Variants in CFI observed in about 807,000 individuals in gnomAD.
CFI encodes complement factor I, also known as C3B/C4B inactivator.
CFI carries 66 observed loss-of-function variants against 78.8 expected under a neutral mutation model. That is an observed-to-expected ratio of 0.84 (90% CI 0.69 to 1.03). The LOEUF is 1.03. CFI is among the 50% of genes least tolerant of loss of function. CFI has a pLI of 0.00. For synonymous variants in CFI, 250 were observed against 232.6 expected (o/e 1.07, Z -0.68); for missense variants, 706 against 704.5 (o/e 1.00, Z -0.02).
chr4:109,768,922 G>C (rs1390649169), intron 1 of CFI, among the ~76,000 whole-genome samples: 1 of 151,850 alleles, frequency 6.6e-6, no homozygotes, highest in Admixed American at 6.6e-5. Flanking sequence ...ATGACAAATT[G>C]GTCATTCTGG....
intron 1 of CFI, among the ~76,000 whole-genome samples, chr4:109,777,529 A>ATTAATAAT (rs775563744): frequency 6.6e-6 from 1 of 152,140 alleles, no homozygotes; most frequent in South Asian, 2.1e-4. Flanking sequence ...ACACAATAAT[A>ATTAATAAT]ATGGGAGACT....
chr4:109,735,945 A>G (rs1266243672), downstream of CFI, among the ~76,000 whole-genome samples: 2 of 152,230 alleles, frequency 1.3e-5, no homozygotes, highest in African/African-American at 4.8e-5. Flanking sequence ...TCAGGATTAC[A>G]CATGACCGTT....
chr4:109,757,097 C>T (rs1340595017), intron 7 of CFI, among the ~76,000 whole-genome samples: 3 of 151,850 alleles, frequency 2.0e-5, no homozygotes, highest in Non-Finnish European at 1.5e-5. Flanking sequence ...GACGCGGTCT[C>T]GGCTCACTGC....
downstream of CFI, among the ~76,000 whole-genome samples, chr4:109,736,762 G>C (rs1723393756): frequency 1.3e-5 from 2 of 152,100 alleles, no homozygotes; most frequent in African/African-American, 4.8e-5. Flanking sequence ...TTCTAATTAG[G>C]GTTCCTGGCT....
At chr4:109,784,448 C>T (rs959746466) in intron 1 of CFI, among the ~76,000 whole-genome samples, 12 of 151,926 alleles carry the variant, frequency 7.9e-5, no homozygotes, top group Middle Eastern at 3.2e-3. Flanking sequence ...CATATACATG[C>T]GCTTGATTAA....
intron 1 of CFI, among the ~76,000 whole-genome samples, chr4:109,768,354 GA>G (rs1322458005): frequency 8.0e-5 from 6 of 74,552 alleles, no homozygotes; most frequent in Admixed American, 1.4e-4. Flanking sequence ...AAAAAAAAAA[GA>G]AAAAAAGAAT....
rs796988524 is a variant in CFI at position 109,753,228 on chromosome 4, A to T, written c.905-725T>A. ...TAATATATATTTATAATATATTTATAATATAAATAAATATTTATAATATAT... is the reference window on the plus strand; with the variant it reads ...TAATATATATTTATAATATATTTATTATATAAATAAATATTTATAATATAT... On this transcript the variant is annotated intron_variant, in intron 7 of 12. Coordinates refer to ENST00000394634, the MANE Select transcript of CFI (RefSeq NM_000204.5). Among the ~76,000 whole-genome samples the T allele has an allele frequency of 0.028, 17 of 598 alleles. 4 individuals carry two copies. In the Non-Finnish European group the frequency reaches 0.33, roughly 12 times the overall value. 0.4% of individuals were successfully genotyped at this position (598 alleles called of 152,430 possible).
intron 1 of CFI, among the ~76,000 whole-genome samples, chr4:109,771,714 CAAAAAAAAAAAA>C (rs149565381): frequency 0.01 from 186 of 18,124 alleles, 3 homozygotes; most frequent in Middle Eastern, 0.062. Context: ...ACTCCATCAC[CAAAAAAAAAAAA>C]AAAAAAAAAA....
chr4:109,731,138 A>T, the CFI span, among the ~76,000 whole-genome samples: 1 of 152,194 alleles, frequency 6.6e-6, no homozygotes, highest in South Asian at 2.1e-4. Flanking sequence ...TGAGGTCAGA[A>T]GTTCGAGACC....
intron 11 of CFI, among the ~76,000 whole-genome samples, chr4:109,743,474 T>C (rs11726949): frequency 0.81 from 122,709 of 152,110 alleles, 52,372 homozygotes; most frequent in Non-Finnish European, 0.93. Flanking sequence ...AGTAAACACC[T>C]TGAGAGCTGG....
At chr4:109,789,368 C>A (rs937267136) in intron 1 of CFI, among the ~76,000 whole-genome samples, 2 of 151,742 alleles carry the variant, frequency 1.3e-5, no homozygotes, top group South Asian at 2.1e-4. Context: ...GAAATTGCAC[C>A]AAACCATGTC....
intron 1 of CFI, among the ~76,000 whole-genome samples, chr4:109,771,750 A>C (rs549548790): frequency 7.1e-4 from 106 of 148,650 alleles, no homozygotes; most frequent in African/African-American, 2.6e-3. Context: ...AAAAAGTAGA[A>C]GATTAAGTGC....
At chr4:109,751,253 T>C (rs1561290352) in intron 8 of CFI, among the ~76,000 whole-genome samples, 1 of 151,986 alleles carries the variant, frequency 6.6e-6, no homozygotes, top group African/African-American at 2.4e-5. Flanking sequence ...TCCTAAGAAC[T>C]GGGGTGGGGG....
At chr4:109,743,013 A>T (rs1217016090) in intron 11 of CFI, among the ~76,000 whole-genome samples, 1 of 152,256 alleles carries the variant, frequency 6.6e-6, no homozygotes, top group Non-Finnish European at 1.5e-5. Context: ...AAGAACTTCA[A>T]ATAAAGGAAA....
At chr4:109,765,880 A>G (rs1471696659) in intron 2 of CFI, among the ~76,000 whole-genome samples, 2 of 152,136 alleles carry the variant, frequency 1.3e-5, no homozygotes, top group East Asian at 3.9e-4. Context: ...GCACTTTGGG[A>G]GGCCGAGGCG....
chr4:109,791,158 T>C (rs1392802124), intron 1 of CFI, among the ~76,000 whole-genome samples: 1 of 152,214 alleles, frequency 6.6e-6, no homozygotes, highest in Non-Finnish European at 1.5e-5. Context: ...TGTGAGATGG[T>C]ATTTCATTGT....
At chr4:109,774,122 T>C (rs945208212) in intron 1 of CFI, among the ~76,000 whole-genome samples, 1 of 152,244 alleles carries the variant, frequency 6.6e-6, no homozygotes, top group African/African-American at 2.4e-5. Flanking sequence ...TGGGCCTATA[T>C]TCATACAATA....
chr4:109,749,146 C>T (rs1724824487), intron 10 of CFI, 72 bp downstream of exon 10: 2 of 1,296,136 alleles, frequency 1.5e-6, no homozygotes, highest in Admixed American at 1.7e-5. Context: ...TATGCTTTAT[C>T]ATCTGCCACA....
chr4:109,756,330 G>A (rs544308181), intron 7 of CFI, among the ~76,000 whole-genome samples: 1 of 150,320 alleles, frequency 6.7e-6, no homozygotes, highest in East Asian at 2.0e-4. Flanking sequence ...GAGGGAGGGA[G>A]GGAAAAAAGG....
Sources: gnomAD v4.1 joint callset for allele counts (sites outside exome capture counted in the v4.1 genomes callset) on GRCh38, gnomAD v4.1.1 for gene constraint, MANE v1.5 for transcripts, NCBI Gene and HGNC (gene_info 2026-07-23, HGNC 2026-07-21) for gene names.